Variants in CBLIF observed in about 807,000 individuals in gnomAD.
CBLIF encodes the protein cobalamin binding intrinsic factor.
CBLIF carries 24 observed loss-of-function variants against 44.9 expected under a neutral mutation model. The ratio of observed to expected loss-of-function variants is 0.53; its 90% CI spans 0.39 to 0.75. The LOEUF is 0.75. CBLIF is among the 30% of genes least tolerant of loss of function. The pLI, the probability that CBLIF is intolerant of heterozygous loss-of-function variation, is 0.00. For synonymous variants in CBLIF, 183 were observed against 190.9 expected (o/e 0.96, Z 0.34); for missense variants, 481 against 513.0 (o/e 0.94, Z 0.60).
chr11:59,831,816 T>C lies in CBLIF; in HGVS notation c.1074-20A>G, dbSNP rs777918733. On this transcript the variant is annotated intron_variant, in intron 7 of 8. Transcript: ENST00000257248. ...TCAAATCTAAAAAAAAGTTTATATA[T>C]GATTAACATCTCACTTTAGGTCAGG... 4 of 1,113,136 alleles carry C rather than the reference T, an allele frequency of 3.6e-6. No individual in the cohort carries two copies. The highest frequency in any genetic ancestry group is 5.5e-6 in the Non-Finnish European group (4 of 722,112). The allele number at this position is 1,113,136 out of a possible 1,614,324, so 69.0% of individuals were successfully genotyped here. A position where few individuals can be genotyped will look rare whatever the true frequency, so the allele number is the denominator to read the frequency against.
At chr11:59,829,747 C>T (rs985751114) in intron 8 of CBLIF, among the ~76,000 whole-genome samples, 1 of 152,190 alleles carries the variant, frequency 6.6e-6, no homozygotes, top group Admixed American at 6.5e-5. Context: ...AGTCTCTGGT[C>T]ACCACTTCAT....
intron 8 of CBLIF, among the ~76,000 whole-genome samples, chr11:59,830,771 A>G (rs2135081595): frequency 6.6e-6 from 1 of 152,326 alleles, no homozygotes; most frequent in African/African-American, 2.4e-5. Flanking sequence ...TTCCATTTTA[A>G]AGCTGTGGAA....
intron 5 of CBLIF, among the ~76,000 whole-genome samples, chr11:59,837,730 C>T (rs1450634940): frequency 6.6e-6 from 1 of 152,142 alleles, no homozygotes; most frequent in Non-Finnish European, 1.5e-5. Context: ...GCCATGTGCC[C>T]TCTTTGATGG....
At chr11:59,837,703 A>G (rs983850297) in intron 5 of CBLIF, among the ~76,000 whole-genome samples, 1 of 151,980 alleles carries the variant, frequency 6.6e-6, no homozygotes, top group South Asian at 2.1e-4. Context: ...AACGGAGTAG[A>G]CCCCTTGTTT....
chr11:59,830,268 G>A (rs965247529), intron 8 of CBLIF, among the ~76,000 whole-genome samples: 4 of 131,170 alleles, frequency 3.0e-5, no homozygotes, highest in African/African-American at 8.7e-5. Flanking sequence ...ACGGAGTCTC[G>A]CTCTGTCACC....
intron 5 of CBLIF, 105 bp from the exon 6 acceptor site, chr11:59,837,456 C>T (rs1565208550): frequency 5.9e-6 from 5 of 850,686 alleles, no homozygotes; most frequent in African/African-American, 1.7e-5. Context: ...ATGGTGATCA[C>T]GTAGTCACCC....
At chr11:59,833,254 C>G (rs769709163) in intron 7 of CBLIF, among the ~76,000 whole-genome samples, 11 of 152,116 alleles carry the variant, frequency 7.2e-5, no homozygotes, top group Non-Finnish European at 1.0e-4. Context: ...CAGTGGCTCA[C>G]GCCAGTAATC....
At chr11:59,832,424 T>A (rs906600156) in intron 7 of CBLIF, among the ~76,000 whole-genome samples, 4 of 152,108 alleles carry the variant, frequency 2.6e-5, no homozygotes, top group African/African-American at 9.7e-5. Context: ...CAAACCCCCA[T>A]GACACAGTTT....
intron 6 of CBLIF, among the ~76,000 whole-genome samples, chr11:59,836,405 G>A (rs557375487): frequency 1.3e-5 from 2 of 152,024 alleles, no homozygotes. Context: ...AAGAGTTTGA[G>A]GAATCCATAC....
chr11:59,843,084 T>C lies in CBLIF; in HGVS notation c.314A>G (p.Asp105Gly), dbSNP rs778998077. Reference sequence around the variant, plus strand: ...TAGAATGGATACTTTATCCCCAGGGTCTCGGCAGGAGGAGGTGAGGGCCAT... The same window carrying C: ...TAGAATGGATACTTTATCCCCAGGGCCTCGGCAGGAGGAGGTGAGGGCCAT... ...TIMALTSSCRDPGDKVSILQR... is the reference protein window; with the variant it reads ...TIMALTSSCRGPGDKVSILQR... The change falls in exon 3 of 9, where the codon GAC becomes GGC. Residue 105 changes from aspartate to glycine, a missense_variant. Asp to Gly is a moderately conservative substitution (Grantham distance 94). Transcript: ENST00000257248. The C allele has an allele frequency of 3.1e-6, 5 of 1,613,812 alleles. No individual in the cohort carries two copies. The highest frequency in any genetic ancestry group is 3.4e-6 in the Non-Finnish European group (4 of 1,179,882).
At chr11:59,843,194 C>T (rs1293046068) in intron 2 of CBLIF, 53 bp from the exon 3 acceptor site, 31 of 1,059,772 alleles carry the variant, frequency 2.9e-5, no homozygotes, top group Middle Eastern at 2.2e-4. Context: ...GGGGACAGCT[C>T]TCCAGGAGCC....
chr11:59,843,269 G>A, intron 2 of CBLIF, 128 bp from the exon 3 acceptor site: 1 of 692,278 alleles, frequency 1.4e-6, no homozygotes, highest in Non-Finnish European at 2.7e-6. Flanking sequence ...GCAGTTCTTT[G>A]ATCTGTCTTT....
intron 7 of CBLIF, among the ~76,000 whole-genome samples, chr11:59,835,214 C>T (rs1454545104): frequency 1.3e-5 from 2 of 149,910 alleles, no homozygotes; most frequent in African/African-American, 2.5e-5. Flanking sequence ...GGCATGATCT[C>T]GGCTCACCGC....
chr11:59,830,484 G>C (rs187230590), intron 8 of CBLIF, among the ~76,000 whole-genome samples: 1 of 151,698 alleles, frequency 6.6e-6, no homozygotes, highest in Non-Finnish European at 1.5e-5. Context: ...TGATCCGTCC[G>C]CCTTGGCCTC....
intron 5 of CBLIF, among the ~76,000 whole-genome samples, chr11:59,839,040 G>A (rs1866490022): frequency 6.6e-6 from 1 of 151,678 alleles, no homozygotes; most frequent in Non-Finnish European, 1.5e-5. Context: ...GTAGAGATGG[G>A]GTTTCACCAT....
chr11:59,845,235 C>A (rs763202375), intron 1 of CBLIF, 140 bp downstream of exon 1: 1 of 1,200,414 alleles, frequency 8.3e-7, no homozygotes, highest in Non-Finnish European at 1.2e-6. Flanking sequence ...GAAGGATGAA[C>A]AGCACACAAT....
chr11:59,834,238 CTTTTTCTTTCTTTCTT>C (rs1565207322), intron 7 of CBLIF, among the ~76,000 whole-genome samples: 5 of 137,120 alleles, frequency 3.6e-5, no homozygotes, highest in African/African-American at 1.1e-4. Context: ...TTCTTTCTTT[CTTTTTCTTTCTTTCTT>C]TCTTTCTTTC....
chr11:59,835,945 G>T lies in CBLIF; in HGVS notation c.936C>A (p.Ile312=). 1 of 1,614,042 alleles carries T rather than the reference G, an allele frequency of 6.2e-7. No individual in the cohort carries two copies. The highest frequency in any genetic ancestry group is 8.5e-7 in the Non-Finnish European group (1 of 1,179,892). The part of the protein sequence containing the change: ...PGPGPTSASN[I]TVIYTINNQL... ...GGTTATTTATGGTGTATATGACAGT[G>T]ATGTTAGATGCAGAGGTGGGGCCAG... The change falls in exon 7 of 9, where the codon ATC becomes ATA. Residue 312 remains isoleucine (I), a synonymous_variant. Transcript: ENST00000257248.
chr11:59,845,195 T>G (rs2135098111), intron 1 of CBLIF, 180 bp downstream of exon 1: 1 of 796,908 alleles, frequency 1.3e-6, no homozygotes, highest in Non-Finnish European at 2.0e-6. Context: ...TATAGACTTG[T>G]CTCTCAAAGA....
Sources: gnomAD v4.1 joint callset for allele counts (sites outside exome capture counted in the v4.1 genomes callset) on GRCh38, gnomAD v4.1.1 for gene constraint, MANE v1.5 for transcripts, NCBI Gene and HGNC (gene_info 2026-07-23, HGNC 2026-07-21) for gene names.